Variants in JAM3 observed in about 807,000 individuals in gnomAD.
JAM3 encodes the protein junctional adhesion molecule C.
Under a neutral mutation model 39.4 loss-of-function variants are expected in JAM3, and 31 were observed. The observed-to-expected ratio is 0.79, with a 90% confidence interval of 0.59 to 1.06. JAM3 has a LOEUF of 1.06. Ranked by LOEUF, JAM3 falls within the 50% of genes least tolerant of loss-of-function variation. The pLI is 0.00. For synonymous variants in JAM3, 182 were observed against 148.7 expected (o/e 1.22, Z -1.63); for missense variants, 455 against 391.4 (o/e 1.16, Z -1.37).
rs11822625 is a variant in JAM3 at position 134,151,903 on chromosome 11, A to G, written c.*2722A>G. 8,251 of 152,306 alleles carry G rather than the reference A, an allele frequency of 0.054. 353 individuals carry two copies. The highest frequency in any genetic ancestry group is 0.12 in the African/African-American group (4,947 of 41,556). The allele number at this position is 152,306 out of a possible 1,614,324, so 9.4% of individuals were successfully genotyped here. On this transcript the variant is annotated 3_prime_UTR_variant, in exon 9 of 9. Coordinates refer to ENST00000299106, the MANE Select transcript of JAM3 (RefSeq NM_032801.5). ...GGGCAGGAGGTCAGCCTGTGTGCTC[A>G]AGAGCAGTGCTGCGCCTCTCCGCCA... is the stretch of plus-strand genomic sequence containing the variant.
chr11:134,110,666 G>A (rs1942291223), intron 1 of JAM3, among the ~76,000 whole-genome samples: 5 of 152,150 alleles, frequency 3.3e-5, no homozygotes, highest in Admixed American at 6.5e-5. Context: ...AAGGGCAGAA[G>A]GGAAGGATTA....
chr11:134,111,207 G>A (rs1272971544), intron 1 of JAM3, among the ~76,000 whole-genome samples: 2 of 138,504 alleles, frequency 1.4e-5, no homozygotes, highest in African/African-American at 2.8e-5. Context: ...GCAGTGGCGC[G>A]ATCTCGGCTC....
intron 1 of JAM3, among the ~76,000 whole-genome samples, chr11:134,134,406 A>G (rs1006654340): frequency 9.9e-5 from 15 of 150,764 alleles, no homozygotes; most frequent in Non-Finnish European, 1.6e-4. Context: ...GCCAAAAAAA[A>G]AAAAAAAAAA....
At chr11:134,115,408 T>C (rs1485541132) in intron 1 of JAM3, among the ~76,000 whole-genome samples, 1 of 140,444 alleles carries the variant, frequency 7.1e-6, no homozygotes, top group Non-Finnish European at 1.5e-5. Context: ...TTGTTTTCCT[T>C]TGTTTCATCT....
chr11:134,103,007 G>A (rs1942105034), intron 1 of JAM3, among the ~76,000 whole-genome samples: 1 of 152,134 alleles, frequency 6.6e-6, no homozygotes, highest in African/African-American at 2.4e-5. Flanking sequence ...AGGAAATACA[G>A]ACAATGCCAC....
chr11:134,115,618 G>A (rs974682329), intron 1 of JAM3, among the ~76,000 whole-genome samples: 2 of 152,024 alleles, frequency 1.3e-5, no homozygotes, highest in Non-Finnish European at 2.9e-5. Flanking sequence ...TGGGGGAGGG[G>A]GTCAGGTGCT....
intron 1 of JAM3, among the ~76,000 whole-genome samples, chr11:134,125,729 C>T (rs1239602585): frequency 1.3e-5 from 2 of 152,170 alleles, no homozygotes; most frequent in African/African-American, 2.4e-5. Flanking sequence ...ATGTACAGCT[C>T]GTTCAAGTCC....
chr11:134,121,862 A>T (rs1348866767), intron 1 of JAM3, among the ~76,000 whole-genome samples: 5 of 147,974 alleles, frequency 3.4e-5, no homozygotes, highest in African/African-American at 7.5e-5. Context: ...CCCTCCTCCC[A>T]AACAAAATTC....
intron 4 of JAM3, among the ~76,000 whole-genome samples, 174 bp from the exon 5 acceptor site, chr11:134,144,618 G>C (rs1943036544): frequency 6.6e-6 from 1 of 152,174 alleles, no homozygotes; most frequent in Admixed American, 6.5e-5. Flanking sequence ...TTTAACATAT[G>C]GGAGGGCAGG....
At chr11:134,140,814 C>T in intron 3 of JAM3, 44 bp downstream of exon 3, 1 of 1,580,492 alleles carries the variant, frequency 6.3e-7, no homozygotes. Context: ...TTCCTCTGTC[C>T]ATAGACCTGG....
intron 1 of JAM3, among the ~76,000 whole-genome samples, chr11:134,089,936 A>G (rs375174946): frequency 5.3e-5 from 8 of 152,074 alleles, no homozygotes; most frequent in Non-Finnish European, 8.8e-5. Context: ...CAGTGTAAAA[A>G]TGTTCCTATT....
chr11:134,139,178 G>A (rs533660927), intron 1 of JAM3, among the ~76,000 whole-genome samples: 7 of 152,294 alleles, frequency 4.6e-5, no homozygotes, highest in African/African-American at 1.7e-4. Flanking sequence ...AAACCCATAA[G>A]GAATCAGATG....
intron 1 of JAM3, among the ~76,000 whole-genome samples, chr11:134,086,617 AG>A (rs1209479491): frequency 6.6e-6 from 1 of 152,196 alleles, no homozygotes; most frequent in East Asian, 1.9e-4. Flanking sequence ...TTTTAAGTAA[AG>A]GAACTGCCAG....
chr11:134,080,512 A>T (rs1353375228), intron 1 of JAM3, among the ~76,000 whole-genome samples: 1 of 152,128 alleles, frequency 6.6e-6, no homozygotes, highest in East Asian at 1.9e-4. Context: ...GATCGTTAGT[A>T]AGTCTCTTGA....
chr11:134,097,246 A>G (rs147416813), intron 1 of JAM3, among the ~76,000 whole-genome samples: 1 of 152,184 alleles, frequency 6.6e-6, no homozygotes, highest in Admixed American at 6.5e-5. Context: ...TTCCTTAGAA[A>G]CAATTTCTAA....
At chr11:134,118,546 T>C (rs1471474008) in intron 1 of JAM3, among the ~76,000 whole-genome samples, 3 of 151,986 alleles carry the variant, frequency 2.0e-5, no homozygotes, top group Admixed American at 6.6e-5. Flanking sequence ...CTCCTCTCTG[T>C]CCTCTCTTTG....
chr11:134,147,471 A>AAAAAAAAAAAG (rs1943095823), intron 6 of JAM3, among the ~76,000 whole-genome samples: 1 of 150,922 alleles, frequency 6.6e-6, no homozygotes, highest in African/African-American at 2.4e-5. Flanking sequence ...AAAAAAAAAA[A>AAAAAAAAAAAG]AAAAAAACGA....
intron 1 of JAM3, among the ~76,000 whole-genome samples, chr11:134,091,992 A>T (rs1382033594): frequency 6.6e-6 from 1 of 152,156 alleles, no homozygotes; most frequent in Non-Finnish European, 1.5e-5. Flanking sequence ...ATTTCTGTAC[A>T]TTTTAAAAAA....
intron 1 of JAM3, among the ~76,000 whole-genome samples, chr11:134,139,079 G>T (rs1365386807): frequency 6.6e-6 from 1 of 152,154 alleles, no homozygotes; most frequent in Admixed American, 6.5e-5. Context: ...ATAATATTTT[G>T]TAGGTAGTCC....
Sources: allele counts gnomAD v4.1 joint callset (sites outside exome capture counted in the v4.1 genomes callset), GRCh38; gene constraint gnomAD v4.1.1; transcripts MANE v1.5; gene names NCBI Gene and HGNC (gene_info 2026-07-23, HGNC 2026-07-21).